PPP3CA: variants seen among roughly 807,000 people sequenced by gnomAD.
PPP3CA encodes the protein protein phosphatase 3 catalytic subunit alpha.
In PPP3CA, 14 loss-of-function variants were observed where a neutral mutation model predicts 66.5. The observed-to-expected ratio is 0.21, with a 90% CI of 0.14 to 0.33. The LOEUF is 0.33. Ranked by LOEUF, PPP3CA falls within the 10% of genes least tolerant of loss-of-function variation. The probability of loss-of-function intolerance (pLI) is 1.00; values close to 1 mark genes in which losing one functional copy is unlikely to be tolerated. For missense variants in PPP3CA, 317 were observed against 639.5 expected, an observed-to-expected ratio of 0.50 and a Z score of 5.44; for synonymous variants, 232 against 226.2, an observed-to-expected ratio of 1.03 and a Z score of -0.23.
In PPP3CA at chr4:101,333,270, G is replaced by GTTTTTTTTTTTTTTTTTTTTTT. The variant is rs70961788; in HGVS notation, c.58+13447_58+13468dup. On this transcript the variant is annotated intron_variant, in intron 1 of 13. Transcript: ENST00000394854. ...CTACAGGCATGCACTACCATGCCCAGTTTTTTTTTTTTTTTTTTTTTTTTT... is the reference window on the plus strand; with the variant it reads ...CTACAGGCATGCACTACCATGCCCAGTTTTTTTTTTTTTTTTTTTTTTTTTTTTTTTTTTTTTTTTTTTTTTT... Among the ~76,000 whole-genome samples the GTTTTTTTTTTTTTTTTTTTTTT allele has an allele frequency of 6.4e-5, 3 of 47,240 alleles. 1 individual carries two copies. Among genetic ancestry groups the GTTTTTTTTTTTTTTTTTTTTTT allele is most frequent in the Non-Finnish European group, 1.5e-4 (3 of 20,164 alleles). 31.0% of individuals were successfully genotyped at this position (47,240 alleles called of 152,430 possible). A position where few individuals can be genotyped will look rare whatever the true frequency, so the allele number is the denominator to read the frequency against.
At chr4:101,312,687 G>T (rs564869347) in intron 1 of PPP3CA, among the ~76,000 whole-genome samples, 3 of 152,136 alleles carry the variant, frequency 2.0e-5, no homozygotes, top group Admixed American at 1.3e-4. Context: ...ACCATTTACT[G>T]AAGAAACTTC....
At chr4:101,035,771 T>C (rs933389200) in intron 11 of PPP3CA, among the ~76,000 whole-genome samples, 1 of 152,244 alleles carries the variant, frequency 6.6e-6, no homozygotes, top group African/African-American at 2.4e-5. Flanking sequence ...TAGCAGCTTC[T>C]TCATTTTTCA....
intron 12 of PPP3CA, among the ~76,000 whole-genome samples, chr4:101,029,823 G>A (rs1192182977): frequency 6.7e-6 from 1 of 150,002 alleles, no homozygotes; most frequent in African/African-American, 2.5e-5. Context: ...GGGTCGGTGG[G>A]TAGGAAGAGG....
intron 1 of PPP3CA, among the ~76,000 whole-genome samples, chr4:101,292,452 A>G (rs1424913296): frequency 6.6e-6 from 1 of 152,200 alleles, no homozygotes; most frequent in East Asian, 1.9e-4. Context: ...CTCCCATGGC[A>G]TCACCACATG....
rs1399771473 is a variant in PPP3CA, at chr4:101,347,326, C to CTGCCGCTGCTGCTGCCGCTGCCGCTGT, written c.-557_-531dup. The CTGCCGCTGCTGCTGCCGCTGCCGCTGT allele has an allele frequency of 4.9e-6, 1 of 203,736 alleles. No homozygotes were observed. The highest frequency in any genetic ancestry group is 2.4e-5 in the African/African-American group (1 of 41,624). The allele number at this position is 203,736 out of a possible 1,614,324, so 12.6% of individuals were successfully genotyped here. A position where few individuals can be genotyped will look rare whatever the true frequency, so the allele number is the denominator to read the frequency against. ...GGCGGCGGAGAGGCGGCCGCCGCTG[C>CTGCCGCTGCTGCTGCCGCTGCCGCTGT]TGCCGCTGCTGCTGCCGCTGCCGCT... On this transcript the variant is annotated 5_prime_UTR_variant, in exon 1 of 14. Transcript: ENST00000394854.
At chr4:101,287,041 A>G (rs1727867058) in intron 1 of PPP3CA, among the ~76,000 whole-genome samples, 1 of 152,066 alleles carries the variant, frequency 6.6e-6, no homozygotes, top group Admixed American at 6.5e-5. Flanking sequence ...AAAAAAAAAA[A>G]GTATGTGTGT....
At chr4:101,313,166 C>T (rs186832478) in intron 1 of PPP3CA, among the ~76,000 whole-genome samples, 380 of 151,964 alleles carry the variant, frequency 2.5e-3, no homozygotes, top group Non-Finnish European at 3.9e-3. Flanking sequence ...GTTTTTAATA[C>T]CACAAAACTG....
At chr4:101,232,343 A>C (rs534006009) in intron 1 of PPP3CA, among the ~76,000 whole-genome samples, 194 of 151,874 alleles carry the variant, frequency 1.3e-3, no homozygotes, top group Non-Finnish European at 2.3e-3. Flanking sequence ...TCCTGGGACC[A>C]GAGGCACACA....
rs78245103 is a variant in PPP3CA at position 101,191,864 on chromosome 4, C to T, written c.259+4052G>A. ...ACTGCCTGACATGCTAAATGGCAGG[C>T]CCCGGCACTGAGGGAATCCTCTGCT... On this transcript the variant is annotated intron_variant, in intron 2 of 13. Transcript: ENST00000394854. Among the ~76,000 whole-genome samples, 1,224 of 152,244 alleles carry T rather than the reference C, an allele frequency of 8.0e-3. 16 individuals are homozygous for T. The highest frequency in any genetic ancestry group is 0.028 in the African/African-American group (1,176 of 41,522).
chr4:101,322,514 G>A (rs370832935), intron 1 of PPP3CA, among the ~76,000 whole-genome samples: 2 of 148,952 alleles, frequency 1.3e-5, no homozygotes, highest in African/African-American at 2.6e-5. Context: ...GGGTTCAAGC[G>A]ATTCTCGTGC....
Position 101,043,431 on chromosome 4 carries a change from C to A in PPP3CA, c.1157-2865G>T, listed in dbSNP as rs534190992. On this transcript the variant is annotated intron_variant, in intron 10 of 13. Coordinates refer to ENST00000394854, the MANE Select transcript of PPP3CA (RefSeq NM_000944.5). The stretch of plus-strand genomic sequence containing the variant: ...AATGAACATTCTCACAGTGAGTATA[C>A]TATTCCTTATATTTTCAGATAAAAT... 4.7e-4 allele frequency among the ~76,000 whole-genome samples: 71 copies of A among 152,012 alleles called. 2 individuals carry two copies. The South Asian group carries it at 0.013, about 28-fold the overall frequency.
intron 1 of PPP3CA, among the ~76,000 whole-genome samples, chr4:101,215,657 T>C (rs1194125777): frequency 2.0e-5 from 3 of 152,080 alleles, no homozygotes; most frequent in Non-Finnish European, 4.4e-5. Flanking sequence ...TTGGTGACCA[T>C]TCTAATCCTA....
At chr4:101,263,617 T>C (rs183445291) in intron 1 of PPP3CA, among the ~76,000 whole-genome samples, 2 of 151,582 alleles carry the variant, frequency 1.3e-5, no homozygotes, top group African/African-American at 2.4e-5. Flanking sequence ...ATGTTTACCA[T>C]GATTAATGGG....
intron 1 of PPP3CA, among the ~76,000 whole-genome samples, chr4:101,279,184 G>A (rs1441435): frequency 4.0e-5 from 6 of 151,312 alleles, no homozygotes; most frequent in Admixed American, 3.9e-4. Context: ...AAAGAAAAGG[G>A]TAGCCACACA....
chr4:101,081,531 A>G (rs1729438937), intron 7 of PPP3CA, among the ~76,000 whole-genome samples: 1 of 152,174 alleles, frequency 6.6e-6, no homozygotes, highest in Non-Finnish European at 1.5e-5. Context: ...GTATCTCATG[A>G]CTTCTGTGTA....
At chr4:101,090,259 T>G (rs1424323714) in intron 6 of PPP3CA, among the ~76,000 whole-genome samples, 3 of 152,220 alleles carry the variant, frequency 2.0e-5, no homozygotes, top group Non-Finnish European at 4.4e-5. Flanking sequence ...TTGACATTAG[T>G]CAGTCTATAT....
intron 3 of PPP3CA, among the ~76,000 whole-genome samples, chr4:101,106,465 GAAAAGAAAAGAAAAGAAAAGAAAAGA>G (rs1730745358): frequency 2.4e-5 from 1 of 42,132 alleles, no homozygotes; most frequent in African/African-American, 2.1e-4. Flanking sequence ...GAAAAGAAAA[GAAAAGAAAAGAAAAGAAAAGAAAAGA>G]AAAGAAAAGA....
chr4:101,303,103 A>C (rs922268172), intron 1 of PPP3CA, among the ~76,000 whole-genome samples: 1 of 152,220 alleles, frequency 6.6e-6, no homozygotes, highest in African/African-American at 2.4e-5. Context: ...TCAAAATGCG[A>C]GGGAAATACA....
chr4:101,168,150 G>C (rs547576704), intron 2 of PPP3CA, among the ~76,000 whole-genome samples: 42 of 152,314 alleles, frequency 2.8e-4, no homozygotes, highest in Middle Eastern at 3.4e-3. Flanking sequence ...ACAGGGAATG[G>C]AGAAGTGATC....
Sources: allele counts gnomAD v4.1 joint callset (sites outside exome capture counted in the v4.1 genomes callset), GRCh38; gene constraint gnomAD v4.1.1; transcripts MANE v1.5; gene names NCBI Gene and HGNC (gene_info 2026-07-23, HGNC 2026-07-21).